Variants in PTCHD4 observed in about 807,000 individuals in gnomAD.
The protein encoded by PTCHD4 is patched domain-containing protein 4.
Under a neutral mutation model 58.1 loss-of-function variants are expected in PTCHD4, and 33 were observed. The observed-to-expected ratio is 0.57, with a 90% CI of 0.43 to 0.76. The LOEUF (loss-of-function observed/expected upper bound fraction) is 0.76. Ranked by LOEUF, PTCHD4 falls within the 30% of genes least tolerant of loss-of-function variation. The pLI, the probability that PTCHD4 is intolerant of heterozygous loss-of-function variation, is 0.00. For synonymous variants in PTCHD4, 478 were observed against 409.6 expected, an observed-to-expected ratio of 1.17 and a Z score of -2.02; for missense variants, 1,058 against 1,027.1, an observed-to-expected ratio of 1.03 and a Z score of -0.41.
intron 1 of PTCHD4, among the ~76,000 whole-genome samples, chr6:48,102,162 G>A (rs188197657): frequency 1.3e-5 from 2 of 152,328 alleles, no homozygotes; most frequent in East Asian, 3.9e-4. Context: ...GAGCTGGGAT[G>A]TAGCAAACTC....
intron 3 of PTCHD4, among the ~76,000 whole-genome samples, chr6:48,040,641 A>G (rs1455593371): frequency 1.3e-5 from 2 of 152,108 alleles, no homozygotes; most frequent in African/African-American, 4.8e-5. Context: ...GAGAAAAAGT[A>G]AAAACTATGT....
At chr6:47,888,638 T>C (rs1449921442) in intron 4 of PTCHD4, among the ~76,000 whole-genome samples, 3 of 152,202 alleles carry the variant, frequency 2.0e-5, no homozygotes, top group Non-Finnish European at 4.4e-5. Context: ...GTTTTTTGTT[T>C]GTTTGTTTGT....
At chr6:47,893,290 C>A (rs540037139) in intron 4 of PTCHD4, among the ~76,000 whole-genome samples, 1 of 151,204 alleles carries the variant, frequency 6.6e-6, no homozygotes, top group Non-Finnish European at 1.5e-5. Context: ...ATTACAGGCG[C>A]GAGCCACAAC....
At chr6:47,916,214 G>A (rs950453260) in intron 4 of PTCHD4, among the ~76,000 whole-genome samples, 5 of 152,108 alleles carry the variant, frequency 3.3e-5, no homozygotes, top group Admixed American at 2.0e-4. Context: ...GGCTCTCTCA[G>A]TAAATGGGAA....
At chr6:48,074,316 C>T (rs957727931) in intron 1 of PTCHD4, among the ~76,000 whole-genome samples, 2 of 152,184 alleles carry the variant, frequency 1.3e-5, no homozygotes, top group East Asian at 1.9e-4. Context: ...AATTTAGAGA[C>T]TCAAGAGTGT....
At chr6:47,917,932 G>A (rs1049049760) in intron 4 of PTCHD4, among the ~76,000 whole-genome samples, 18 of 152,098 alleles carry the variant, frequency 1.2e-4, no homozygotes, top group African/African-American at 3.1e-4. Flanking sequence ...CAGGCATAAC[G>A]TCAAACTTCA....
At chr6:48,059,001 G>C (rs989411747) in intron 3 of PTCHD4, among the ~76,000 whole-genome samples, 6 of 152,222 alleles carry the variant, frequency 3.9e-5, no homozygotes, top group Admixed American at 2.6e-4. Context: ...GTAATTCCCT[G>C]TCTTCCGGAT....
chr6:47,908,271 G>A (rs997254327), intron 4 of PTCHD4, among the ~76,000 whole-genome samples: 1 of 152,168 alleles, frequency 6.6e-6, no homozygotes, highest in Non-Finnish European at 1.5e-5. Flanking sequence ...CAAATGTCCA[G>A]TTACTATTAT....
At chr6:48,094,826 G>A (rs1765430436) in intron 1 of PTCHD4, among the ~76,000 whole-genome samples, 1 of 152,118 alleles carries the variant, frequency 6.6e-6, no homozygotes, top group African/African-American at 2.4e-5. Context: ...TGACTTTAAG[G>A]ATTATTGTTG....
At chr6:47,896,703 C>T (rs76085899) in intron 4 of PTCHD4, among the ~76,000 whole-genome samples, 4,058 of 152,216 alleles carry the variant, frequency 0.027, 188 homozygotes, top group African/African-American at 0.092. Context: ...GAAGGACCCA[C>T]TAAATGGGGA....
chr6:48,058,332 G>A (rs1764489228), intron 3 of PTCHD4, among the ~76,000 whole-genome samples: 1 of 152,204 alleles, frequency 6.6e-6, no homozygotes, highest in African/African-American at 2.4e-5. Flanking sequence ...CTGGTCCAAG[G>A]ACTACACTTT....
intron 3 of PTCHD4, among the ~76,000 whole-genome samples, chr6:48,057,100 TC>T (rs1764434460): frequency 6.6e-6 from 1 of 152,170 alleles, no homozygotes; most frequent in Non-Finnish European, 1.5e-5. Context: ...CTGCAACCTT[TC>T]CTTAGCTGAA....
intron 4 of PTCHD4, among the ~76,000 whole-genome samples, chr6:47,895,632 T>C (rs1440524705): frequency 2.6e-5 from 4 of 152,188 alleles, no homozygotes; most frequent in Non-Finnish European, 4.4e-5. Context: ...TTCAACTTTT[T>C]CTCTAACATA....
chr6:48,106,743 C>A (rs1461734842), intron 1 of PTCHD4, among the ~76,000 whole-genome samples: 1 of 152,190 alleles, frequency 6.6e-6, no homozygotes, highest in African/African-American at 2.4e-5. Context: ...TGATAAGCAA[C>A]TTCAGCAGTC....
At chr6:48,060,729 C>A (rs562970395) in intron 3 of PTCHD4, among the ~76,000 whole-genome samples, 150 of 152,312 alleles carry the variant, frequency 9.8e-4, no homozygotes, top group Non-Finnish European at 1.8e-3. Flanking sequence ...CCCACCTCAG[C>A]CTCCCAAAGT....
At chr6:47,961,157 G>A (rs1228305649) in intron 4 of PTCHD4, among the ~76,000 whole-genome samples, 1 of 151,860 alleles carries the variant, frequency 6.6e-6, no homozygotes, top group East Asian at 1.9e-4. Flanking sequence ...TCTAAAATAT[G>A]ATTAGATTAG....
Position 48,020,665 on chromosome 6 carries a change from A to G in PTCHD4, c.418-11551T>C, listed in dbSNP as rs547473145. On this transcript the variant is annotated intron_variant, in intron 3 of 4. Transcript: ENST00000339488. ...TTGAAGAGTTTATATTTTTGTTTAGAGACAAAGCACATAAATAAAATGCTA... is the reference window on the plus strand; with the variant it reads ...TTGAAGAGTTTATATTTTTGTTTAGGGACAAAGCACATAAATAAAATGCTA... Among the ~76,000 whole-genome samples the G allele has an allele frequency of 2.3e-4, 35 of 152,266 alleles. No homozygotes were observed. In the South Asian group the frequency reaches 6.8e-3, roughly 30 times the overall value.
chr6:48,013,919 T>G (rs1209383547), intron 3 of PTCHD4, among the ~76,000 whole-genome samples: 1 of 152,120 alleles, frequency 6.6e-6, no homozygotes, highest in Admixed American at 6.6e-5. Context: ...TGATAATGTA[T>G]CTGGACAAAA....
chr6:48,022,099 T>G lies in PTCHD4; in HGVS notation c.418-12985A>C, dbSNP rs532435866. Reference sequence around the variant, plus strand: ...CCCTTGTATCTTTACTGAATATGATTGAGATTTTAATATCTCATTGTCCTA... The same window carrying G: ...CCCTTGTATCTTTACTGAATATGATGGAGATTTTAATATCTCATTGTCCTA... On this transcript the variant is annotated intron_variant, in intron 3 of 4. Transcript: ENST00000339488. Among the ~76,000 whole-genome samples the G allele has an allele frequency of 5.3e-5, 8 of 152,250 alleles. No homozygotes were observed. In the East Asian group the frequency reaches 1.5e-3, roughly 29 times the overall value.
Sources: gnomAD v4.1 joint callset for allele counts (sites outside exome capture counted in the v4.1 genomes callset) on GRCh38, gnomAD v4.1.1 for gene constraint, MANE v1.5 for transcripts, NCBI Gene and HGNC (gene_info 2026-07-23, HGNC 2026-07-21) for gene names.